ADRA1B: variants seen among roughly 807,000 people sequenced by gnomAD.
The protein encoded by ADRA1B is alpha-1B adrenergic receptor.
A neutral mutation model predicts 17.9 loss-of-function variants in ADRA1B; 17 were observed. The observed-to-expected ratio is 0.95, with a 90% CI of 0.65 to 1.42. The LOEUF is 1.42. Among genes scored for constraint, ADRA1B ranks in the 40% most tolerant of loss-of-function variants. The probability of loss-of-function intolerance (pLI) is 0.00; values close to 1 mark genes in which losing one functional copy is unlikely to be tolerated. For missense variants in ADRA1B, 681 were observed against 722.1 expected, an observed-to-expected ratio of 0.94 and a Z score of 0.65; for synonymous variants, 366 against 327.6, an observed-to-expected ratio of 1.12 and a Z score of -1.27.
intron 1 of ADRA1B, among the ~76,000 whole-genome samples, chr5:159,888,976 A>G (rs1753954558): frequency 6.6e-6 from 1 of 152,226 alleles, no homozygotes; most frequent in Non-Finnish European, 1.5e-5. Flanking sequence ...CCCAACATGG[A>G]CGGCTCATCC....
chr5:159,905,248 C>T (rs937066607), intron 1 of ADRA1B, among the ~76,000 whole-genome samples: 1 of 152,116 alleles, frequency 6.6e-6, no homozygotes, highest in Non-Finnish European at 1.5e-5. Flanking sequence ...ACACAAAATT[C>T]ACTACAGAAA....
At chr5:159,892,678 G>A (rs149630450) in intron 1 of ADRA1B, among the ~76,000 whole-genome samples, 5 of 152,104 alleles carry the variant, frequency 3.3e-5, no homozygotes, top group East Asian at 1.9e-4. Flanking sequence ...TCCCTTTTAC[G>A]GCTGCATAGT....
At chr5:159,970,226 C>T (rs1212149830) in intron 1 of ADRA1B, among the ~76,000 whole-genome samples, 1 of 152,044 alleles carries the variant, frequency 6.6e-6, no homozygotes, top group Non-Finnish European at 1.5e-5. Flanking sequence ...TTCCCATTTC[C>T]CTCTGCCTCC....
At chr5:159,901,091 A>G (rs1396452929) in intron 1 of ADRA1B, among the ~76,000 whole-genome samples, 1 of 151,688 alleles carries the variant, frequency 6.6e-6, no homozygotes, top group African/African-American at 2.4e-5. Flanking sequence ...CATGTTATAG[A>G]TATTAGACAT....
intron 1 of ADRA1B, among the ~76,000 whole-genome samples, chr5:159,924,672 C>A (rs1179458824): frequency 6.6e-6 from 1 of 152,114 alleles, no homozygotes; most frequent in Non-Finnish European, 1.5e-5. Flanking sequence ...CACAGAAATG[C>A]CAGCAGGTGC....
chr5:159,893,747 G>T (rs140887338), intron 1 of ADRA1B, among the ~76,000 whole-genome samples: 32 of 152,282 alleles, frequency 2.1e-4, no homozygotes, highest in African/African-American at 7.0e-4. Context: ...GGCAGTCGGG[G>T]GCTCAACTGT....
intron 1 of ADRA1B, among the ~76,000 whole-genome samples, chr5:159,900,662 G>A (rs896737459): frequency 6.6e-6 from 1 of 152,174 alleles, no homozygotes; most frequent in African/African-American, 2.4e-5. Flanking sequence ...GTCAGCAAAG[G>A]GGAGCAATGT....
chr5:159,909,343 G>A (rs1193508275), intron 1 of ADRA1B, among the ~76,000 whole-genome samples: 3 of 152,136 alleles, frequency 2.0e-5, no homozygotes, highest in African/African-American at 7.2e-5. Flanking sequence ...CTCCCCTGGG[G>A]CCTGGTCTGT....
chr5:159,921,560 C>T (rs566298289), intron 1 of ADRA1B, among the ~76,000 whole-genome samples: 100 of 152,196 alleles, frequency 6.6e-4, no homozygotes, highest in African/African-American at 1.0e-3. Context: ...GGAAGTGCTC[C>T]GCAGCCAACC....
chr5:159,878,940 C>T (rs1753828777), intron 1 of ADRA1B, among the ~76,000 whole-genome samples: 1 of 152,110 alleles, frequency 6.6e-6, no homozygotes, highest in South Asian at 2.1e-4. Flanking sequence ...ACTGCTCATG[C>T]CCCCTAGACT....
intron 1 of ADRA1B, among the ~76,000 whole-genome samples, chr5:159,901,886 G>A (rs149238752): frequency 6.6e-6 from 1 of 152,136 alleles, no homozygotes; most frequent in Non-Finnish European, 1.5e-5. Context: ...TGGAAGCCTT[G>A]CACACTGTTG....
intron 1 of ADRA1B, among the ~76,000 whole-genome samples, chr5:159,885,438 A>T (rs1753913017): frequency 6.6e-6 from 1 of 152,196 alleles, no homozygotes; most frequent in Non-Finnish European, 1.5e-5. Context: ...ATTCTGGCCA[A>T]TGAGACATAA....
At chr5:159,877,361 A>G (rs540095905) in intron 1 of ADRA1B, among the ~76,000 whole-genome samples, 6 of 152,288 alleles carry the variant, frequency 3.9e-5, no homozygotes, top group East Asian at 1.9e-4. Flanking sequence ...TGGGAAGGTC[A>G]TGCCGGGAGC....
Position 159,917,587 on chromosome 5 carries a change from A to G in ADRA1B, c.682A>G (p.Ile228Val), listed in dbSNP as rs766237542. 6.2e-7 allele frequency: 1 copy of G among 1,613,864 alleles called. No homozygotes were observed. The highest frequency in any genetic ancestry group is 1.7e-5 in the Admixed American group (1 of 59,986). ...TCTAGTCATGTACTGCCGTGTCTAT[A>G]TAGTGGCCAAGAGAACCACCAAGAA... ...VILVMYCRVY[I>V]VAKRTTKNLE... Residue 228 changes from isoleucine to valine, a missense_variant, in exon 1 of 2, where the codon ATA becomes GTA. By Grantham distance (29) the Ile-to-Val change is conservative. This residue lies in a region of ADRA1B where 424 missense variants were observed against 480.2 expected (regional missense o/e 0.88). Coordinates refer to ENST00000306675, the MANE Select transcript of ADRA1B (RefSeq NM_000679.4).
chr5:159,877,183 C>G (rs1021022028), intron 1 of ADRA1B, among the ~76,000 whole-genome samples: 1 of 152,060 alleles, frequency 6.6e-6, no homozygotes, highest in African/African-American at 2.4e-5. Context: ...GCCGTGCGCT[C>G]TGAAAAACAC....
chr5:159,974,949 C>T (rs1755949343), downstream of ADRA1B, among the ~76,000 whole-genome samples: 1 of 152,170 alleles, frequency 6.6e-6, no homozygotes, highest in Non-Finnish European at 1.5e-5. Flanking sequence ...GTACCTTTTA[C>T]ATTCCCCTGT....
chr5:159,963,895 A>G (rs1435363055), intron 1 of ADRA1B, among the ~76,000 whole-genome samples: 3 of 152,130 alleles, frequency 2.0e-5, no homozygotes, highest in Admixed American at 2.0e-4. Flanking sequence ...GTCCCTCTAA[A>G]TCGCCCTTGG....
chr5:159,876,760 G>A (rs983213471), intron 1 of ADRA1B, among the ~76,000 whole-genome samples: 5 of 152,200 alleles, frequency 3.3e-5, no homozygotes, highest in South Asian at 2.1e-4. Context: ...AGTGGAATCC[G>A]CCTCTGTGGG....
At position 159,889,342 on chromosome 5, in the gene ADRA1B, CA is replaced by C. The variant is rs375539553; in HGVS notation, c.-256+24137del. On this transcript the variant is annotated intron_variant, in intron 1 of 2. Transcript: ENST00000641205. ...ATCCTCCCTCTCCCCATCACAAATACACATCTACACATTGATATACCCATAT... is the reference window on the plus strand; with the variant it reads ...ATCCTCCCTCTCCCCATCACAAATACCATCTACACATTGATATACCCATAT... Among the ~76,000 whole-genome samples the C allele has an allele frequency of 8.4e-4, 127 of 152,002 alleles. 1 individual carries two copies. Among genetic ancestry groups the C allele is most frequent in the African/African-American group, 3.0e-3 (124 of 41,408 alleles).
Sources: allele counts gnomAD v4.1 joint callset (sites outside exome capture counted in the v4.1 genomes callset), GRCh38; gene constraint gnomAD v4.1.1; regional missense constraint gnomAD v4.1.1; transcripts MANE v1.5; gene names NCBI Gene and HGNC (gene_info 2026-07-23, HGNC 2026-07-21).